Variants in DMD observed in about 807,000 individuals in gnomAD.
DMD encodes mutant dystrophin.
DMD carries 63 observed loss-of-function variants against 330.1 expected under a neutral mutation model. The observed-to-expected ratio is 0.19, with a 90% confidence interval of 0.16 to 0.24. The LOEUF (loss-of-function observed/expected upper bound fraction) is 0.24, where lower values mean the gene tolerates loss of function less well. Among genes scored for constraint, DMD ranks in the 10% least tolerant of loss-of-function variants. The pLI, the probability that DMD is intolerant of heterozygous loss-of-function variation, is 1.00. For missense variants in DMD, 3,344 were observed against 2,684.1 expected (o/e 1.25, Z -5.43); for synonymous variants, 1,223 against 959.8 (o/e 1.27, Z -5.07).
chrX:32,647,883 C>T (rs1017396778), intron 9 of DMD, among the ~76,000 whole-genome samples: 4 of 111,774 alleles, frequency 3.6e-5, no homozygotes, highest in African/African-American at 1.3e-4. Flanking sequence ...CGAAAATACG[C>T]CCCCAAAAAT....
intron 42 of DMD, among the ~76,000 whole-genome samples, chrX:32,303,013 T>C (rs890452360): frequency 1.1e-4 from 12 of 111,499 alleles, no homozygotes; most frequent in Admixed American, 4.8e-4. Flanking sequence ...TAATGAAAGC[T>C]CACTGATGTG....
At chrX:32,129,354 A>T (rs768894083) in intron 44 of DMD, among the ~76,000 whole-genome samples, 1 of 111,134 alleles carries the variant, frequency 9.0e-6, no homozygotes, top group Admixed American at 9.6e-5. Flanking sequence ...AACACCAAAA[A>T]ATAGTTACCA....
At chrX:32,760,904 C>CT (rs1461734951) in intron 7 of DMD, among the ~76,000 whole-genome samples, 5 of 111,315 alleles carry the variant, frequency 4.5e-5, no homozygotes, top group Admixed American at 3.8e-4. Context: ...ATGCCTTCCT[C>CT]TTATTTCTTC....
chrX:32,066,005 A>G lies in DMD; in HGVS notation c.6439-97491T>C, dbSNP rs185896638. 2.6e-3 allele frequency among the ~76,000 whole-genome samples: 289 copies of G among 111,707 alleles called. 1 individual carries two copies. Among genetic ancestry groups the G allele is most frequent in the African/African-American group, 8.8e-3 (271 of 30,909 alleles). ...GAATTTTCTTAAACATGACATATCCATATCAAGCAGCCATGAAGGAATGTT... is the reference window on the plus strand; with the variant it reads ...GAATTTTCTTAAACATGACATATCCGTATCAAGCAGCCATGAAGGAATGTT... On this transcript the variant is annotated intron_variant, in intron 44 of 78. Transcript: ENST00000357033.
At chrX:31,549,349 A>C (rs953999456) in intron 55 of DMD, among the ~76,000 whole-genome samples, 4 of 111,485 alleles carry the variant, frequency 3.6e-5, no homozygotes, top group Non-Finnish European at 5.6e-5. Flanking sequence ...GGATTACTTT[A>C]GAATGTGAAA....
intron 1 of DMD, among the ~76,000 whole-genome samples, chrX:33,179,524 T>C (rs911347718): frequency 8.2e-5 from 9 of 109,109 alleles, no homozygotes; most frequent in Non-Finnish European, 1.7e-4. Flanking sequence ...AAACCCCGTT[T>C]CTACTAAAAA....
At position 32,812,530 on chromosome X, in the gene DMD, G is replaced by A. The variant is rs190867817; in HGVS notation, c.531-2919C>T. On this transcript the variant is annotated intron_variant, in intron 6 of 78. Coordinates refer to ENST00000357033, the MANE Select transcript of DMD (RefSeq NM_004006.3). ...TGCCTATAGTCCCAGCTACTCAGGAGGCTGAGGCAGTAGAATCGCTTGAAC... is the reference window on the plus strand; with the variant it reads ...TGCCTATAGTCCCAGCTACTCAGGAAGCTGAGGCAGTAGAATCGCTTGAAC... Among the ~76,000 whole-genome samples, 282 of 112,009 alleles carry A rather than the reference G, an allele frequency of 2.5e-3. 1 individual carries two copies. The highest frequency in any genetic ancestry group is 8.7e-3 in the African/African-American group (268 of 30,830).
intron 50 of DMD, among the ~76,000 whole-genome samples, chrX:31,794,626 G>T (rs944124187): frequency 9.0e-6 from 1 of 111,011 alleles, no homozygotes; most frequent in African/African-American, 3.3e-5. Flanking sequence ...TTTTTATTAG[G>T]TCTGCAGAAA....
intron 63 of DMD, among the ~76,000 whole-genome samples, chrX:31,257,042 A>G (rs1383681721): frequency 9.2e-6 from 1 of 108,787 alleles, no homozygotes; most frequent in African/African-American, 3.4e-5. Flanking sequence ...AGTTCTAACA[A>G]AATGTTTTCA....
chrX:32,719,578 T>C (rs2066059112), intron 7 of DMD, among the ~76,000 whole-genome samples: 1 of 111,896 alleles, frequency 8.9e-6, no homozygotes, highest in Admixed American at 9.5e-5. Context: ...CCAAATATTA[T>C]AGTAAAATAA....
At chrX:31,881,596 A>G (rs1389961366) in intron 47 of DMD, among the ~76,000 whole-genome samples, 4 of 111,447 alleles carry the variant, frequency 3.6e-5, no homozygotes, top group Non-Finnish European at 7.5e-5. Flanking sequence ...ATGCAGCTGT[A>G]CTATTTTTTA....
chrX:31,850,140 T>C (rs1447683033), intron 48 of DMD, among the ~76,000 whole-genome samples: 3 of 111,404 alleles, frequency 2.7e-5, no homozygotes, highest in African/African-American at 9.8e-5. Context: ...ACTTACTTAC[T>C]TATAAGGAGT....
intron 52 of DMD, among the ~76,000 whole-genome samples, chrX:31,719,296 G>A (rs1423133557): frequency 8.9e-6 from 1 of 112,068 alleles, no homozygotes; most frequent in Non-Finnish European, 1.9e-5. Flanking sequence ...GGGGATTAAG[G>A]AAATTAAGGA....
At chrX:31,476,588 G>C (rs1182275665) in intron 59 of DMD, among the ~76,000 whole-genome samples, 1 of 108,758 alleles carries the variant, frequency 9.2e-6, no homozygotes, top group Non-Finnish European at 1.9e-5. Flanking sequence ...GTCAAGGCTA[G>C]GAAGAAAAGG....
At chrX:31,810,472 A>G (rs555311742) in intron 50 of DMD, among the ~76,000 whole-genome samples, 1 of 112,188 alleles carries the variant, frequency 8.9e-6, no homozygotes, top group Non-Finnish European at 1.9e-5. Context: ...ACTGGAACTT[A>G]GGTTAGGTAG....
chrX:32,565,549 C>A (rs2051596584), intron 16 of DMD, among the ~76,000 whole-genome samples, 153 bp downstream of exon 16: 1 of 111,842 alleles, frequency 8.9e-6, no homozygotes, highest in Admixed American at 9.5e-5. Context: ...TCTCCAACAA[C>A]AAGACAGGCA....
chrX:32,463,709 T>C (rs1163853932), intron 24 of DMD, 115 bp from the exon 25 acceptor site: 2 of 651,870 alleles, frequency 3.1e-6, no homozygotes, highest in Non-Finnish European at 4.3e-6. Context: ...TGGATTTTTG[T>C]CTTTTAAAAT....
chrX:32,743,074 T>C (rs2069511073), intron 7 of DMD, among the ~76,000 whole-genome samples: 1 of 111,366 alleles, frequency 9.0e-6, no homozygotes, highest in African/African-American at 3.3e-5. Context: ...TGCCAGCTCC[T>C]GCATCTCTTT....
intron 59 of DMD, among the ~76,000 whole-genome samples, chrX:31,451,621 A>G (rs1039565836): frequency 9.1e-6 from 1 of 110,358 alleles, no homozygotes; most frequent in African/African-American, 3.3e-5. Context: ...TACTAACACT[A>G]TGGGGCTATT....
Sources: gnomAD v4.1 joint callset for allele counts (sites outside exome capture counted in the v4.1 genomes callset) on GRCh38, gnomAD v4.1.1 for gene constraint, MANE v1.5 for transcripts, NCBI Gene and HGNC (gene_info 2026-07-23, HGNC 2026-07-21) for gene names.